PKD1: variants seen among roughly 807,000 people sequenced by gnomAD.
PKD1 encodes polycystin-1.
A neutral mutation model predicts 361.7 loss-of-function variants in PKD1; 81 were observed. The observed-to-expected ratio is 0.22, with a 90% CI of 0.19 to 0.27. PKD1 has a LOEUF of 0.27. Ranked by LOEUF, PKD1 falls within the 10% of genes least tolerant of loss-of-function variation. The pLI, the probability that PKD1 is intolerant of heterozygous loss-of-function variation, is 1.00. For missense variants in PKD1, 6,399 were observed against 6,118.3 expected (o/e 1.05, Z -1.53); for synonymous variants, 3,615 against 2,818.3 (o/e 1.28, Z -8.95).
chr16:2,100,274 C>T lies in PKD1; in HGVS notation c.9604G>A (p.Val3202Ile), dbSNP rs768371009. ...CTGCGTGCCGTCTGCAGGTCCCTGA[C>T]GATGACGTGCTGCAGGAACCAGGCA... ...SPAWFLQHVI[V>I]RDLQTARSAF... Residue 3202 changes from valine to isoleucine, a missense_variant, in exon 28 of 46, where the codon GTC (valine) becomes ATC (isoleucine). By Grantham distance (29) the Val-to-Ile change is conservative. Transcript: ENST00000262304. This position sits in a 1 kb window ranked among gnomAD's most constrained non-coding sequence, Gnocchi z 4.4. 29 of 1,610,696 alleles carry T rather than the reference C, an allele frequency of 1.8e-5. No individual in the cohort carries two copies. Among genetic ancestry groups the T allele is most frequent in the South Asian group, 3.3e-5 (3 of 90,996 alleles).
chr16:2,107,421 G>C (rs954364843), intron 16 of PKD1: 4 of 359,762 alleles, frequency 1.1e-5, no homozygotes, highest in East Asian at 7.1e-5. Context: ...GCTGAGGAAA[G>C]CAGGGACTGG....
chr16:2,093,302 G>A (rs950913628), intron 37 of PKD1: 5 of 693,330 alleles, frequency 7.2e-6, no homozygotes, highest in African/African-American at 3.5e-5. Context: ...GGCCACTGCA[G>A]TGGTGCTTAG....
intron 34 of PKD1, among the ~76,000 whole-genome samples, chr16:2,096,619 G>A (rs1382313032): frequency 2.6e-5 from 4 of 152,054 alleles, no homozygotes; most frequent in Non-Finnish European, 4.4e-5. Context: ...AGGTTCAATC[G>A]ATTCTCCTAC....
At position 2,089,555 on chromosome 16, in the gene PKD1, C is replaced by T. The variant is rs1273971562; in HGVS notation, c.*172G>A. 1 of 806,188 alleles carries T rather than the reference C, an allele frequency of 1.2e-6. No individual in the cohort carries two copies. Among genetic ancestry groups the T allele is most frequent in the Non-Finnish European group, 2.0e-6 (1 of 510,620 alleles). The allele number at this position is 806,188 out of a possible 1,614,324, so 49.9% of individuals were successfully genotyped here. On this transcript the variant is annotated 3_prime_UTR_variant, in exon 46 of 46. Coordinates refer to ENST00000262304, the MANE Select transcript of PKD1 (RefSeq NM_001009944.3). ...GAGGGGACCCTGGGTCCTGGTTGGC[C>T]ACACAGCCTCTTTAAAGTGCTGAAG...
At chr16:2,091,395 C>T in intron 42 of PKD1, 28 bp downstream of exon 42, 1 of 1,001,394 alleles carries the variant, frequency 1.0e-6, no homozygotes, top group East Asian at 5.3e-5. Context: ...CGGTGGGAGG[C>T]GCGGGGTCTG....
intron 8 of PKD1, 67 bp downstream of exon 8, chr16:2,116,462 G>C: frequency 9.2e-6 from 8 of 872,010 alleles, no homozygotes; most frequent in Non-Finnish European, 1.5e-5. Context: ...ACCCACAGTG[G>C]GCAGGGCAGG....
rs747495150 is a variant in PKD1, at chr16:2,105,310, G to C, written c.8016+12C>G. On this transcript the variant is annotated intron_variant, in intron 21 of 45. Coordinates refer to ENST00000262304, the MANE Select transcript of PKD1 (RefSeq NM_001009944.3). ...GCATGCGGGGCAGGGTGAGCAGGTGGGGCCATCCTACCATGCACTGGGCCA... is the reference window on the plus strand; with the variant it reads ...GCATGCGGGGCAGGGTGAGCAGGTGCGGCCATCCTACCATGCACTGGGCCA... The C allele has an allele frequency of 1.1e-5, 17 of 1,593,920 alleles. No individual in the cohort carries two copies. In the African/African-American group the frequency reaches 1.7e-4, roughly 16 times the overall value.
chr16:2,097,594 C>T (rs1422691010), intron 32 of PKD1, 91 bp from the exon 33 acceptor site: 59 of 1,609,072 alleles, frequency 3.7e-5, no homozygotes, highest in East Asian at 3.1e-4. Context: ...CCTGGGCTTC[C>T]GAGCAAACCT....
Position 2,106,602 on chromosome 16 carries a change from T to A in PKD1, c.7285A>T (p.Met2429Leu). 6.3e-7 allele frequency: 1 copy of A among 1,598,572 alleles called. No homozygotes were observed. Among genetic ancestry groups the A allele is most frequent in the South Asian group, 1.1e-5 (1 of 90,854 alleles). ...ETTTSTGSAG[M>L]RLVLRRGVLR... is the part of the protein sequence containing the mutation. The stretch of plus-strand genomic sequence containing the variant: ...ACGCCCCGCCGCAGCACCAGTCGCA[T>A]GCCTGCACTGCCCGTGGATGTGGTG... The change falls in exon 18 of 46, where the codon ATG (methionine) becomes TTG (leucine). Residue 2429 changes from methionine to leucine, a missense_variant. Met to Leu is a conservative substitution (Grantham distance 15, BLOSUM62 2). Transcript: ENST00000262304. This position sits in a 1 kb window ranked among gnomAD's most constrained non-coding sequence, Gnocchi z 6.5.
rs757229977 is a variant in PKD1, at chr16:2,107,908, C to T, written c.7040G>A (p.Arg2347His). 3.9e-6 allele frequency: 6 copies of T among 1,545,078 alleles called. No individual in the cohort carries two copies. The highest frequency in any genetic ancestry group is 2.4e-5 in the East Asian group (1 of 40,920). ...CGTCTGGTTGGTGGCCTCCTCCTTGCGGCCGGCCTTCCACACGGTCAGGCT... is the reference window on the plus strand; with the variant it reads ...CGTCTGGTTGGTGGCCTCCTCCTTGTGGCCGGCCTTCCACACGGTCAGGCT... ...TFSLTVWKAG[R>H]KEEATNQTVL... Residue 2347 changes from arginine to histidine, a missense_variant, in exon 16 of 46, where the codon CGC (arginine) becomes CAC (histidine). Arg to His is a conservative substitution (Grantham distance 29, BLOSUM62 0). Transcript: ENST00000262304.
intron 37 of PKD1, 191 bp from the exon 38 acceptor site, chr16:2,093,284 G>C (rs2091684449): frequency 1.4e-6 from 1 of 723,160 alleles, no homozygotes; most frequent in African/African-American, 1.7e-5. Context: ...CCTGGGGGCA[G>C]ACACACAGGC....
Position 2,090,394 on chromosome 16 carries a change from G to C in PKD1, c.12335C>G (p.Ala4112Gly), listed in dbSNP as rs2091440459. ...CGGCCGGTACAGCTCTCCACGCAAG[G>C]CGTGGTAGCGCCAGCGGAGAATAAC... ...GAVILRWRYHALRGELYRPAW... is the reference protein window; with the variant it reads ...GAVILRWRYHGLRGELYRPAW... The change falls in exon 45 of 46, where the codon GCC becomes GGC. Residue 4112 changes from alanine (A) to glycine (G), a missense_variant. Transcript: ENST00000262304. 3 of 1,612,694 alleles carry C rather than the reference G, an allele frequency of 1.9e-6. No individual in the cohort carries two copies. Among genetic ancestry groups the C allele is most frequent in the Non-Finnish European group, 2.5e-6 (3 of 1,179,922 alleles).
intron 1 of PKD1, among the ~76,000 whole-genome samples, chr16:2,120,448 G>A (rs74506283): frequency 2.0e-5 from 3 of 152,212 alleles, no homozygotes; most frequent in African/African-American, 7.2e-5. Context: ...AAGGAAACTG[G>A]GTGTGGTGGC....
rs779024805 is a variant in PKD1 at position 2,111,879 on chromosome 16, G to C, written c.3296-8C>G. ...CGGTCAGGAGGTACTCACCTGTGGG[G>C]ACAGGCCCGAGTGGGGCAGCCGCGG... On this transcript the variant is annotated splice_polypyrimidine_tract_variant and splice_region_variant and intron_variant, in intron 14 of 45. Coordinates refer to ENST00000262304, the MANE Select transcript of PKD1 (RefSeq NM_001009944.3). The C allele has an allele frequency of 6.2e-7, 1 of 1,610,006 alleles. No individual in the cohort carries two copies. The highest frequency in any genetic ancestry group is 1.1e-5 in the South Asian group (1 of 90,952).
intron 23 of PKD1, 93 bp from the exon 24 acceptor site, chr16:2,103,063 G>A (rs570730766): frequency 2.7e-5 from 38 of 1,424,864 alleles, no homozygotes; most frequent in African/African-American, 2.5e-4. Context: ...CCTCTGCCAC[G>A]GGCCTGAAAG....
At chr16:2,117,375 C>T in intron 6 of PKD1, 114 bp downstream of exon 6, 1 of 779,800 alleles carries the variant, frequency 1.3e-6, no homozygotes. Context: ...ACCTGCTCAC[C>T]AGGGCCGGCC....
intron 15 of PKD1, 95 bp from the exon 16 acceptor site, chr16:2,108,127 C>T (rs1174165792): frequency 2.0e-6 from 3 of 1,505,138 alleles, no homozygotes; most frequent in Non-Finnish European, 2.7e-6. Context: ...GACCCCCTCC[C>T]CATGCTGGGA....
Position 2,089,477 on chromosome 16 carries a change from C to A in PKD1, c.*250G>T. On this transcript the variant is annotated 3_prime_UTR_variant, in exon 46 of 46. Coordinates refer to ENST00000262304, the MANE Select transcript of PKD1 (RefSeq NM_001009944.3). Reference sequence around the variant, plus strand: ...AGGACTCGGGGAAATAAATTAGCATCTCAGAGGCTAGAAACCGTCCAATAC... The same window carrying A: ...AGGACTCGGGGAAATAAATTAGCATATCAGAGGCTAGAAACCGTCCAATAC... 1.8e-6 allele frequency: 1 copy of A among 564,016 alleles called. No homozygotes were observed. Among genetic ancestry groups the A allele is most frequent in the Non-Finnish European group, 3.2e-6 (1 of 316,682 alleles). 34.9% of individuals were successfully genotyped at this position (564,016 alleles called of 1,614,324 possible).
At chr16:2,132,667 A>C (rs920009415) in intron 1 of PKD1, among the ~76,000 whole-genome samples, 4 of 151,818 alleles carry the variant, frequency 2.6e-5, no homozygotes, top group African/African-American at 4.9e-5. Flanking sequence ...TAAACCAAAA[A>C]TGTGAACACA....
Sources: gnomAD v4.1 joint callset for allele counts (sites outside exome capture counted in the v4.1 genomes callset) on GRCh38, gnomAD v4.1.1 for gene constraint, Gnocchi (gnomAD v3.1) non-coding constraint, MANE v1.5 for transcripts, NCBI Gene and HGNC (gene_info 2026-07-23, HGNC 2026-07-21) for gene names.